Variants in SLC3A2 observed in about 807,000 individuals in gnomAD.
SLC3A2 encodes the protein solute carrier family 3 member 2, also known as amino acid transporter heavy chain SLC3A2.
Under a neutral mutation model 48.5 loss-of-function variants are expected in SLC3A2, and 32 were observed. That is an observed-to-expected ratio of 0.66 (90% confidence interval 0.50 to 0.89). SLC3A2 has a LOEUF of 0.89. SLC3A2 is among the 40% of genes least tolerant of loss of function. SLC3A2 has a pLI of 0.00. For synonymous variants in SLC3A2, 277 were observed against 288.8 expected (o/e 0.96, Z 0.41); for missense variants, 587 against 680.7 (o/e 0.86, Z 1.53).
At chr11:62,874,051 A>C (rs2085546376) in intron 1 of SLC3A2, among the ~76,000 whole-genome samples, 1 of 134,618 alleles carries the variant, frequency 7.4e-6, no homozygotes, top group African/African-American at 2.9e-5. Context: ...CCCTCTGCCC[A>C]GAGATACAGA....
chr11:62,884,778 C>A, intron 5 of SLC3A2, 88 bp downstream of exon 5: 3 of 587,742 alleles, frequency 5.1e-6, no homozygotes, highest in Non-Finnish European at 8.0e-6. Context: ...GATTCCTAGT[C>A]TAGAGCATTT....
chr11:62,876,691 T>A, upstream of SLC3A2: 1 of 161,446 alleles, frequency 6.2e-6, no homozygotes, highest in South Asian at 1.2e-4. Context: ...AATCCCTGCC[T>A]CATGGGTTCA....
At position 62,881,176 on chromosome 11, in the gene SLC3A2, G is replaced by C. The variant is rs925689985; in HGVS notation, c.153G>C (p.Glu51Asp). 6 of 1,592,526 alleles carry C rather than the reference G, an allele frequency of 3.8e-6. No homozygotes were observed. The highest frequency in any genetic ancestry group is 5.1e-6 in the Non-Finnish European group (6 of 1,171,888). Reference protein sequence around the residue: ...GLVKIKVAEDEAEAAAAAKFT... With the variant: ...GLVKIKVAEDDAEAAAAAKFT... ...TGAAGATCAAGGTGGCGGAAGACGA[G>C]GCGGAGGCGGCAGCCGCGGCTAAGT... is the stretch of plus-strand genomic sequence containing the variant. Residue 51 changes from glutamate to aspartate, a missense_variant, in exon 1 of 9, where the codon GAG (glutamate) becomes GAC (aspartate). Around this residue, in one of 3 missense-constraint regions of SLC3A2, gnomAD observed 409 missense variants for 446.7 expected, o/e 0.92. Transcript: ENST00000338663. This position sits in a 1 kb window ranked among gnomAD's most constrained non-coding sequence, Gnocchi z 4.0.
intron 1 of SLC3A2, among the ~76,000 whole-genome samples, chr11:62,860,681 C>T (rs529461551): frequency 5.3e-5 from 8 of 152,226 alleles, no homozygotes; most frequent in African/African-American, 1.7e-4. Flanking sequence ...GTCTGGGGGA[C>T]GGTCAGGTCT....
At chr11:62,880,055 C>T (rs2085612790), upstream of SLC3A2, among the ~76,000 whole-genome samples, 1 of 152,092 alleles carries the variant, frequency 6.6e-6, no homozygotes, top group South Asian at 2.1e-4. Flanking sequence ...AAGGTGGATG[C>T]CTCTGAGACC....
At chr11:62,860,160 C>T (rs1047728934) in intron 1 of SLC3A2, among the ~76,000 whole-genome samples, 1 of 152,028 alleles carries the variant, frequency 6.6e-6, no homozygotes, top group Non-Finnish European at 1.5e-5. Context: ...TTGATGTGCA[C>T]GTAGGCCACA....
At chr11:62,862,924 G>T (rs954763018) in intron 1 of SLC3A2, among the ~76,000 whole-genome samples, 2 of 152,156 alleles carry the variant, frequency 1.3e-5, no homozygotes, top group African/African-American at 2.4e-5. Flanking sequence ...GTGGAGAAAA[G>T]GCTCAAATTC....
intron 7 of SLC3A2, chr11:62,886,391 C>CT (rs760853661): frequency 2.2e-4 from 31 of 143,420 alleles, no homozygotes; most frequent in East Asian, 6.2e-4. Context: ...TGATCCCCGA[C>CT]TTTTTTTTTT....
chr11:62,861,326 G>A (rs1028648376), intron 1 of SLC3A2, among the ~76,000 whole-genome samples: 1 of 152,070 alleles, frequency 6.6e-6, no homozygotes, highest in Non-Finnish European at 1.5e-5. Context: ...AAAAAAAAAA[G>A]AGGGTTTCAC....
At chr11:62,875,276 G>T (rs1002504632) in intron 1 of SLC3A2, among the ~76,000 whole-genome samples, 2 of 152,174 alleles carry the variant, frequency 1.3e-5, no homozygotes, top group Non-Finnish European at 2.9e-5. Flanking sequence ...GCCGGGCACG[G>T]TGGCTCACGC....
At chr11:62,864,779 T>G (rs1214353977) in intron 1 of SLC3A2, among the ~76,000 whole-genome samples, 1 of 150,102 alleles carries the variant, frequency 6.7e-6, no homozygotes, top group Non-Finnish European at 1.5e-5. Flanking sequence ...AATTTTTTTT[T>G]TTGTTTTGAG....
Position 62,856,340 on chromosome 11 carries a change from C to A in SLC3A2, c.71C>A (p.Ser24Ter), listed in dbSNP as rs145450178. ...CCGCGCCAGTTGCCTGGCTCACATT[C>A]GGAGGCTGGTGTCCAGGGTCTCAGC... The change falls in exon 1 of 10, where the codon TCG (serine) becomes TAG (stop). Residue 24 changes from serine to a stop codon, truncating the protein, a stop_gained. Coordinates refer to the SLC3A2 transcript ENST00000377889. LOFTEE classifies it high-confidence loss of function. 6 of 1,613,312 alleles carry A rather than the reference C, an allele frequency of 3.7e-6. No homozygotes were observed. Among genetic ancestry groups the A allele is most frequent in the South Asian group, 3.3e-5 (3 of 91,062 alleles).
Position 62,881,032 on chromosome 11 carries a change from G to C in SLC3A2, c.9G>C (p.Gln3His). The change falls in exon 1 of 9, where the codon CAG becomes CAC. Residue 3 changes from glutamine to histidine, a missense_variant. Physicochemically the swap from Gln to His is conservative, Grantham distance 24. Transcript: ENST00000338663. The surrounding 1 kb of genome is among the most constrained non-coding windows in gnomAD (Gnocchi z 4.0). ...CCGGTTCTGCAGGCACCATGAGCCA[G>C]GACACCGAGGTGGATATGAAGGAGG... The part of the protein sequence containing the change: MS[Q>H]DTEVDMKEVE... The C allele has an allele frequency of 6.4e-7, 1 of 1,571,080 alleles. No individual in the cohort carries two copies. Among genetic ancestry groups the C allele is most frequent in the Non-Finnish European group, 8.7e-7 (1 of 1,155,494 alleles).
chr11:62,885,224 G>A lies in SLC3A2; in HGVS notation c.866G>A (p.Ser289Asn). ...TNSSDLQQIL[S>N]LLESNKDLLL... ...TCCTCCGACCTTCAGCAGATCCTGA[G>A]CCTACTCGAATCCAACAAAGACTTG... The change falls in exon 6 of 9, where the codon AGC (serine) becomes AAC (asparagine). Residue 289 changes from serine (S) to asparagine (N), a missense_variant. Around this residue, in one of 3 missense-constraint regions of SLC3A2, gnomAD observed 409 missense variants for 446.7 expected, o/e 0.92. Transcript: ENST00000338663. 6.2e-7 allele frequency: 1 copy of A among 1,614,178 alleles called. No homozygotes were observed. The highest frequency in any genetic ancestry group is 8.5e-7 in the Non-Finnish European group (1 of 1,180,042).
At chr11:62,871,134 G>A (rs77528986) in intron 1 of SLC3A2, among the ~76,000 whole-genome samples, 11,527 of 151,284 alleles carry the variant, frequency 0.076, 519 homozygotes, top group East Asian at 0.15. Context: ...CGCCTGCCTT[G>A]GCCTCCCAAA....
chr11:62,869,340 C>T (rs954481651), intron 1 of SLC3A2, among the ~76,000 whole-genome samples: 10 of 151,128 alleles, frequency 6.6e-5, no homozygotes, highest in African/African-American at 2.4e-4. Flanking sequence ...CTGGCTAATA[C>T]GGTGAAACCC....
At chr11:62,876,616 T>C (rs1051527128), upstream of SLC3A2, among the ~76,000 whole-genome samples, 1 of 152,230 alleles carries the variant, frequency 6.6e-6, no homozygotes, top group Admixed American at 6.5e-5. Flanking sequence ...ATATTATTTT[T>C]TTGAGACAGA....
Position 62,881,462 on chromosome 11 carries a change from C to T in SLC3A2, c.424+15C>T, listed in dbSNP as rs767080381. ...CAACCTGGCGGGTGAGTGCAGCGCG[C>T]CCCCGTCCCGGGTACCTCCGGTTGA... On this transcript the variant is annotated intron_variant, in intron 1 of 8. Transcript: ENST00000338663. This position sits in a 1 kb window ranked among gnomAD's most constrained non-coding sequence, Gnocchi z 4.0. 3 of 1,562,744 alleles carry T rather than the reference C, an allele frequency of 1.9e-6. No homozygotes were observed. The highest frequency in any genetic ancestry group is 2.6e-6 in the Non-Finnish European group (3 of 1,162,446).
chr11:62,862,860 G>A (rs1436359633), intron 1 of SLC3A2, among the ~76,000 whole-genome samples: 1 of 152,188 alleles, frequency 6.6e-6, no homozygotes, highest in Non-Finnish European at 1.5e-5. Flanking sequence ...ATTAATAGAG[G>A]AGAAGGATAT....
Sources: gnomAD v4.1 joint callset for allele counts (sites outside exome capture counted in the v4.1 genomes callset) on GRCh38, gnomAD v4.1.1 for gene constraint, gnomAD v4.1.1 regional missense constraint, Gnocchi (gnomAD v3.1) non-coding constraint, MANE v1.5 for transcripts, NCBI Gene and HGNC (gene_info 2026-07-23, HGNC 2026-07-21) for gene names.